The following MAPT variants were observed in gnomAD, a reference collection of about 807,000 sequenced individuals.
The protein encoded by MAPT is microtubule associated protein tau.
MAPT carries 34 observed loss-of-function variants against 67.9 expected under a neutral mutation model. The observed-to-expected ratio is 0.50, with a 90% CI of 0.38 to 0.67. The LOEUF (loss-of-function observed/expected upper bound fraction) is 0.67, where lower values mean the gene tolerates loss of function less well. Ranked by LOEUF, MAPT falls within the 30% of genes least tolerant of loss-of-function variation. The probability of loss-of-function intolerance (pLI) is 0.00; values close to 1 mark genes in which losing one functional copy is unlikely to be tolerated. For synonymous variants in MAPT, 456 were observed against 464.5 expected (o/e 0.98, Z 0.23); for missense variants, 881 against 1,115.2 (o/e 0.79, Z 2.99).
chr17:45,970,007 A>G (rs574252311), intron 2 of MAPT, among the ~76,000 whole-genome samples: 1 of 149,814 alleles, frequency 6.7e-6, no homozygotes, highest in East Asian at 2.0e-4. Flanking sequence ...CGAATCATCT[A>G]CACATCACCC....
intron 1 of MAPT, among the ~76,000 whole-genome samples, chr17:45,956,308 G>T (rs186453928): frequency 1.3e-5 from 2 of 152,098 alleles, no homozygotes; most frequent in Non-Finnish European, 1.5e-5. Context: ...AGGGCACCGC[G>T]GGGGGCTTTG....
intron 1 of MAPT, among the ~76,000 whole-genome samples, chr17:45,921,200 C>T (rs879446197): frequency 4.6e-5 from 7 of 152,124 alleles, no homozygotes; most frequent in South Asian, 4.1e-4. Flanking sequence ...GGTGTAAATT[C>T]GGGGTATTTC....
chr17:45,978,496 G>T, intron 4 of MAPT, 56 bp downstream of exon 4: 1 of 1,305,274 alleles, frequency 7.7e-7, no homozygotes, highest in South Asian at 1.2e-5. Context: ...GGGACATGGG[G>T]TGGGCTCTGC....
At chr17:45,964,250 C>T (rs930479425) in intron 2 of MAPT, among the ~76,000 whole-genome samples, 2 of 151,936 alleles carry the variant, frequency 1.3e-5, no homozygotes, top group African/African-American at 4.8e-5. Context: ...GGTACATGTG[C>T]ACAACGTGCA....
At chr17:45,922,443 G>T (rs998779753) in intron 1 of MAPT, among the ~76,000 whole-genome samples, 1 of 149,710 alleles carries the variant, frequency 6.7e-6, no homozygotes, top group African/African-American at 2.4e-5. Context: ...CCAGGCACTG[G>T]GCTGCTGAGG....
At position 46,014,238 on chromosome 17, in the gene MAPT, TC is replaced by T; in HGVS notation, c.2092-3del. 1 of 1,594,622 alleles carries T rather than the reference TC, an allele frequency of 6.3e-7. No individual in the cohort carries two copies. Among genetic ancestry groups the T allele is most frequent in the Non-Finnish European group, 8.6e-7 (1 of 1,162,320 alleles). On this transcript the variant is annotated splice_polypyrimidine_tract_variant and splice_region_variant and intron_variant, in intron 10 of 12. Transcript: ENST00000262410. ...CTCTTCTCTCTCCTCCTCTCTCATC[TC>T]CAGGTGCAAATAGTCTACAAACCAG...
chr17:46,021,210 C>T (rs923241193), intron 12 of MAPT, among the ~76,000 whole-genome samples: 2 of 152,242 alleles, frequency 1.3e-5, no homozygotes, highest in Non-Finnish European at 2.9e-5. Flanking sequence ...GGGGAGGGCA[C>T]TGGCCCGTAG....
chr17:45,978,431 G>A lies in MAPT; in HGVS notation c.277G>A (p.Val93Met), dbSNP rs1329490019. 2.5e-6 allele frequency: 4 copies of A among 1,612,358 alleles called. No homozygotes were observed. The highest frequency in any genetic ancestry group is 1.7e-5 in the Admixed American group (1 of 59,954). The change falls in exon 4 of 13, where the codon GTG becomes ATG. Residue 93 changes from valine to methionine, a missense_variant. Around this residue, in one of 6 missense-constraint regions of MAPT, gnomAD observed 687 missense variants for 766.1 expected, o/e 0.90. Coordinates refer to ENST00000262410, the MANE Select transcript of MAPT (RefSeq NM_001377265.1). ...CCTGGAAGACGAAGCTGCTGGTCAC[G>A]TGACCCAAGGTCAGTGAACTGGAAT... ...PSLEDEAAGHVTQEELRVPGR... is the reference protein window; with the variant it reads ...PSLEDEAAGHMTQEELRVPGR...
chr17:45,994,385 A>AGGAGGATG (rs1223495634), intron 8 of MAPT, among the ~76,000 whole-genome samples: 1 of 152,188 alleles, frequency 6.6e-6, no homozygotes, highest in African/African-American at 2.4e-5. Context: ...TCAGGGAGGC[A>AGGAGGATG]GGAGGATGGG....
In MAPT at chr17:45,978,454, A is replaced by C; in HGVS notation, c.286+14A>C. 1 of 1,609,062 alleles carries C rather than the reference A, an allele frequency of 6.2e-7. No homozygotes were observed. Among genetic ancestry groups the C allele is most frequent in the South Asian group, 1.1e-5 (1 of 90,970 alleles). Reference sequence around the variant, plus strand: ...ACGTGACCCAAGGTCAGTGAACTGGAATTGCCTGCCATGACTTGGGGGTTG... The same window carrying C: ...ACGTGACCCAAGGTCAGTGAACTGGCATTGCCTGCCATGACTTGGGGGTTG... On this transcript the variant is annotated intron_variant, in intron 4 of 12. Coordinates refer to ENST00000262410, the MANE Select transcript of MAPT (RefSeq NM_001377265.1).
chr17:45,982,088 C>G (rs1489911761), intron 4 of MAPT, among the ~76,000 whole-genome samples: 5 of 149,266 alleles, frequency 3.3e-5, no homozygotes, highest in African/African-American at 1.2e-4. Context: ...ACTTTGGGGA[C>G]CGGGGTGGGC....
chr17:45,964,417 C>T (rs1233937319), intron 2 of MAPT, among the ~76,000 whole-genome samples: 2 of 146,358 alleles, frequency 1.4e-5, no homozygotes, highest in African/African-American at 5.1e-5. Flanking sequence ...CGGTGGCTCA[C>T]GCCTGTAATC....
At chr17:45,952,695 T>C (rs921975016) in intron 1 of MAPT, among the ~76,000 whole-genome samples, 2 of 152,002 alleles carry the variant, frequency 1.3e-5, no homozygotes, top group Admixed American at 1.3e-4. Flanking sequence ...TGGACCCACA[T>C]AGAATACAAT....
At chr17:45,986,752 A>G (rs1269611989) in intron 5 of MAPT, among the ~76,000 whole-genome samples, 1 of 152,200 alleles carries the variant, frequency 6.6e-6, no homozygotes, top group Admixed American at 6.5e-5. Flanking sequence ...CCATGCCATC[A>G]TGTCCCCGTG....
At chr17:45,987,682 A>T (rs2073693183) in intron 6 of MAPT, among the ~76,000 whole-genome samples, 1 of 152,244 alleles carries the variant, frequency 6.6e-6, no homozygotes, top group Non-Finnish European at 1.5e-5. Flanking sequence ...CTGAATTTTA[A>T]TCAGTACTGG....
At chr17:45,961,127 C>T (rs909528188) in intron 1 of MAPT, among the ~76,000 whole-genome samples, 2 of 149,830 alleles carry the variant, frequency 1.3e-5, no homozygotes, top group South Asian at 2.1e-4. Context: ...GCAGAGATCG[C>T]GACACTGCAC....
Position 46,025,776 on chromosome 17 carries a change from A to C in MAPT, c.*1605A>C, listed in dbSNP as rs1312975513. The stretch of plus-strand genomic sequence containing the variant: ...ACCAGGATGGAAGGGCAAGGCACCC[A>C]GGGCAGGCCCACAGTCCCGCTGTCC... On this transcript the variant is annotated 3_prime_UTR_variant, in exon 13 of 13. Transcript: ENST00000262410. The C allele has an allele frequency of 6.6e-6, 1 of 152,540 alleles. No homozygotes were observed. Among genetic ancestry groups the C allele is most frequent in the Admixed American group, 6.5e-5 (1 of 15,288 alleles). 9.4% of individuals were successfully genotyped at this position (152,540 alleles called of 1,614,324 possible). A position where few individuals can be genotyped will look rare whatever the true frequency, so the allele number is the denominator to read the frequency against.
intron 1 of MAPT, among the ~76,000 whole-genome samples, chr17:45,918,462 G>A (rs551584224): frequency 2.6e-5 from 4 of 152,252 alleles, no homozygotes; most frequent in Admixed American, 1.3e-4. Flanking sequence ...AGCCTGGTTC[G>A]GAATCATAGC....
At chr17:45,986,759 C>T (rs957311945) in intron 5 of MAPT, among the ~76,000 whole-genome samples, 10 of 152,210 alleles carry the variant, frequency 6.6e-5, no homozygotes, top group African/African-American at 1.9e-4. Context: ...ATCATGTCCC[C>T]GTGACAGTTT....
Sources: allele counts gnomAD v4.1 joint callset (sites outside exome capture counted in the v4.1 genomes callset), GRCh38; gene constraint gnomAD v4.1.1; regional missense constraint gnomAD v4.1.1; transcripts MANE v1.5; gene names NCBI Gene and HGNC (gene_info 2026-07-23, HGNC 2026-07-21).